RPRD2: variants seen among roughly 807,000 people sequenced by gnomAD.
The protein encoded by RPRD2 is regulation of nuclear pre-mRNA domain-containing protein 2.
A neutral mutation model predicts 104.4 loss-of-function variants in RPRD2; 12 were observed. The observed-to-expected ratio is 0.11, with a 90% CI of 0.07 to 0.19. The LOEUF is 0.19. RPRD2 is among the 10% of genes least tolerant of loss of function. The pLI is 1.00. For synonymous variants in RPRD2, 714 were observed against 684.9 expected (o/e 1.04, Z -0.66); for missense variants, 1,543 against 1,790.1 (o/e 0.86, Z 2.49).
At position 150,364,423 on chromosome 1, in the gene RPRD2, C is replaced by T. The variant is rs1553876734; in HGVS notation, c.-292C>T. Among the ~76,000 whole-genome samples the T allele has an allele frequency of 6.6e-6, 1 of 152,012 alleles. No individual in the cohort carries two copies. Among genetic ancestry groups the T allele is most frequent in the African/African-American group, 2.4e-5 (1 of 41,374 alleles). On this transcript the variant is annotated 5_prime_UTR_variant, in exon 1 of 11. Coordinates refer to ENST00000369068, the MANE Select transcript of RPRD2 (RefSeq NM_015203.5). ...AAGGCTTTGCAGGTCCTGTTTTCTG[C>T]GTAATTTTTCCGTGATTACTGACTG...
intron 1 of RPRD2, among the ~76,000 whole-genome samples, chr1:150,374,246 A>G (rs1660541065): frequency 6.6e-6 from 1 of 152,180 alleles, no homozygotes; most frequent in Admixed American, 6.6e-5. Context: ...GGTTTTGGGA[A>G]GCTTCTAGAC....
intron 1 of RPRD2, among the ~76,000 whole-genome samples, chr1:150,405,970 C>CTAAGG (rs1663441072): frequency 6.6e-6 from 1 of 151,926 alleles, no homozygotes; most frequent in Non-Finnish European, 1.5e-5. Context: ...TTTGGATATG[C>CTAAGG]CAAAGAAAAG....
At chr1:150,369,916 G>A (rs1660173127) in intron 1 of RPRD2, among the ~76,000 whole-genome samples, 1 of 151,966 alleles carries the variant, frequency 6.6e-6, no homozygotes, top group Non-Finnish European at 1.5e-5. Context: ...GAGTAGCTGG[G>A]ATTACAGGCA....
chr1:150,442,335 T>A (rs1553894635), intron 4 of RPRD2, among the ~76,000 whole-genome samples: 1 of 152,130 alleles, frequency 6.6e-6, no homozygotes, highest in Non-Finnish European at 1.5e-5. Context: ...AGACTAGGCA[T>A]TAAGAAGCAT....
In RPRD2 at chr1:150,475,894, A is replaced by T. The variant is rs1204756844; in HGVS notation, c.*2560A>T. ...ATATTTTTTAAAGAAAGCATAACAT[A>T]GTGTGTCTTAGCAAGGACATGATTC... is the stretch of plus-strand genomic sequence containing the variant. On this transcript the variant is annotated 3_prime_UTR_variant, in exon 11 of 11. Coordinates refer to ENST00000369068, the MANE Select transcript of RPRD2 (RefSeq NM_015203.5). The T allele has an allele frequency of 6.6e-6, 1 of 151,924 alleles. No homozygotes were observed. The highest frequency in any genetic ancestry group is 1.5e-5 in the Non-Finnish European group (1 of 67,970). 9.4% of individuals were successfully genotyped at this position (151,924 alleles called of 1,614,324 possible).
At chr1:150,422,119 G>A (rs1350586513) in intron 2 of RPRD2, among the ~76,000 whole-genome samples, 2 of 151,432 alleles carry the variant, frequency 1.3e-5, no homozygotes, top group Non-Finnish European at 2.9e-5. Flanking sequence ...TCAGGAGATC[G>A]AGACCATCCT....
At chr1:150,391,852 G>A (rs1553883208) in intron 1 of RPRD2, among the ~76,000 whole-genome samples, 3 of 152,062 alleles carry the variant, frequency 2.0e-5, no homozygotes, top group Admixed American at 2.0e-4. Flanking sequence ...AGGTTGCAGT[G>A]AGCCGAGATC....
At chr1:150,462,367 C>T (rs79696733) in intron 9 of RPRD2, among the ~76,000 whole-genome samples, 18,053 of 151,496 alleles carry the variant, frequency 0.12, 1,511 homozygotes, top group African/African-American at 0.23. Flanking sequence ...ATCATTTGAA[C>T]CCAGAAGGCA....
chr1:150,435,362 TAAA>T (rs1232575683), intron 2 of RPRD2, among the ~76,000 whole-genome samples: 1 of 152,214 alleles, frequency 6.6e-6, no homozygotes, highest in East Asian at 1.9e-4. Flanking sequence ...TTGCTTTAAA[TAAA>T]AAACTAGAAA....
Position 150,471,120 on chromosome 1 carries a change from T to C in RPRD2, c.2172T>C (p.Pro724=). Reference sequence around the variant, plus strand: ...CAATCGACAACATTGATGGAACCCCTGTACGGGATGAACGGAGTGGGACAC... The same window carrying C: ...CAATCGACAACATTGATGGAACCCCCGTACGGGATGAACGGAGTGGGACAC... The part of the protein sequence containing the change: ...STSIDNIDGT[P]VRDERSGTPT... The change falls in exon 11 of 11, where the codon CCT becomes CCC. Residue 724 remains proline (P), a synonymous_variant. Transcript: ENST00000369068. The surrounding 1 kb of genome is among the most constrained non-coding windows in gnomAD (Gnocchi z 5.3). The C allele has an allele frequency of 6.2e-7, 1 of 1,613,980 alleles. No individual in the cohort carries two copies. The highest frequency in any genetic ancestry group is 1.1e-5 in the South Asian group (1 of 91,076).
intron 1 of RPRD2, among the ~76,000 whole-genome samples, chr1:150,409,415 T>G (rs1553887241): frequency 6.6e-6 from 1 of 152,140 alleles, no homozygotes; most frequent in African/African-American, 2.4e-5. Flanking sequence ...TTTCCTAATT[T>G]ATTTATTCAA....
chr1:150,376,817 T>C (rs587650169), intron 1 of RPRD2, among the ~76,000 whole-genome samples: 1 of 149,880 alleles, frequency 6.7e-6, no homozygotes, highest in East Asian at 2.0e-4. Flanking sequence ...TCTTTTAAAA[T>C]GATGATCTTT....
At chr1:150,378,288 G>T (rs1660870244) in intron 1 of RPRD2, among the ~76,000 whole-genome samples, 1 of 152,110 alleles carries the variant, frequency 6.6e-6, no homozygotes, top group Non-Finnish European at 1.5e-5. Flanking sequence ...ACTGGTGACA[G>T]GTAAAATAAT....
rs1413076673 is a variant in RPRD2 at position 150,364,460 on chromosome 1, A to G, written c.-255A>G. Among the ~76,000 whole-genome samples, 1 of 151,440 alleles carries G rather than the reference A, an allele frequency of 6.6e-6. No homozygotes were observed. Among genetic ancestry groups the G allele is most frequent in the African/African-American group, 2.4e-5 (1 of 41,170 alleles). ...GTGATTACTGACTGGTTTAAACACGACCCCTTGAACAATATTGATAAAACC... is the reference window on the plus strand; with the variant it reads ...GTGATTACTGACTGGTTTAAACACGGCCCCTTGAACAATATTGATAAAACC... On this transcript the variant is annotated 5_prime_UTR_variant, in exon 1 of 11. Transcript: ENST00000369068.
At chr1:150,373,777 C>T (rs1305929423) in intron 1 of RPRD2, among the ~76,000 whole-genome samples, 1 of 152,024 alleles carries the variant, frequency 6.6e-6, no homozygotes, top group Non-Finnish European at 1.5e-5. Flanking sequence ...GTTCAGCAAT[C>T]ACCATAGCGT....
intron 1 of RPRD2, among the ~76,000 whole-genome samples, chr1:150,380,878 A>G (rs1052701324): frequency 2.7e-4 from 41 of 150,926 alleles, no homozygotes; most frequent in African/African-American, 1.0e-3. Flanking sequence ...GATGGTCTCT[A>G]TCTCTTGACC....
chr1:150,407,737 GA>G (rs1284327554), intron 1 of RPRD2, among the ~76,000 whole-genome samples: 2 of 152,148 alleles, frequency 1.3e-5, no homozygotes, highest in Non-Finnish European at 2.9e-5. Context: ...TTTTTAAAGA[GA>G]AGATGTAGAT....
intron 1 of RPRD2, among the ~76,000 whole-genome samples, chr1:150,396,160 C>G (rs1553884170): frequency 6.8e-6 from 1 of 146,938 alleles, no homozygotes; most frequent in Non-Finnish European, 1.5e-5. Flanking sequence ...ATCGTGTATT[C>G]ATGTCCTTAA....
chr1:150,395,365 T>TTTG (rs782263204), intron 1 of RPRD2, among the ~76,000 whole-genome samples: 2 of 144,076 alleles, frequency 1.4e-5, no homozygotes, highest in African/African-American at 2.6e-5. Flanking sequence ...TAGTATTCCA[T>TTTG]TGTGTGTGTG....
Sources: gnomAD v4.1 joint callset for allele counts (sites outside exome capture counted in the v4.1 genomes callset) on GRCh38, gnomAD v4.1.1 for gene constraint, Gnocchi (gnomAD v3.1) non-coding constraint, MANE v1.5 for transcripts, NCBI Gene and HGNC (gene_info 2026-07-23, HGNC 2026-07-21) for gene names.